LRMDA: variants seen among roughly 807,000 people sequenced by gnomAD.
The protein encoded by LRMDA is leucine-rich melanocyte differentiation-associated protein.
Under a neutral mutation model 29.8 loss-of-function variants are expected in LRMDA, and 18 were observed. The ratio of observed to expected loss-of-function variants is 0.60; its 90% CI spans 0.42 to 0.90. The LOEUF (loss-of-function observed/expected upper bound fraction) is 0.90. LRMDA is among the 40% of genes least tolerant of loss of function. The probability of loss-of-function intolerance (pLI) is 0.00; values close to 1 mark genes in which losing one functional copy is unlikely to be tolerated. For missense variants in LRMDA, 273 were observed against 273.9 expected, an observed-to-expected ratio of 1.00 and a Z score of 0.02; for synonymous variants, 125 against 109.4, an observed-to-expected ratio of 1.14 and a Z score of -0.89.
chr10:76,469,864 A>C (rs1224348133), intron 6 of LRMDA, among the ~76,000 whole-genome samples: 2 of 152,114 alleles, frequency 1.3e-5, no homozygotes, highest in African/African-American at 4.8e-5. Context: ...TAACATTCAC[A>C]GTATTGTGCA....
At chr10:76,100,408 CG>C (rs1405328234) in intron 5 of LRMDA, among the ~76,000 whole-genome samples, 1 of 152,218 alleles carries the variant, frequency 6.6e-6, no homozygotes, top group African/African-American at 2.4e-5. Flanking sequence ...TACACAGGAA[CG>C]GAAGAGGCCA....
intron 2 of LRMDA, among the ~76,000 whole-genome samples, chr10:75,529,198 A>T (rs996287523): frequency 1.3e-5 from 2 of 152,238 alleles, no homozygotes; most frequent in African/African-American, 4.8e-5. Context: ...CATGGCTGTG[A>T]AATTTAAGAA....
intron 2 of LRMDA, among the ~76,000 whole-genome samples, chr10:75,798,861 G>A (rs1414400186): frequency 6.6e-6 from 1 of 151,772 alleles, no homozygotes; most frequent in African/African-American, 2.4e-5. Context: ...ATCACTATGT[G>A]CTCCATGAAT....
chr10:76,176,942 A>C (rs1031061488), intron 5 of LRMDA, among the ~76,000 whole-genome samples: 1 of 152,216 alleles, frequency 6.6e-6, no homozygotes, highest in Non-Finnish European at 1.5e-5. Context: ...AATTAGTGGC[A>C]CCATTTCAGA....
chr10:76,199,529 A>T (rs919859207), intron 5 of LRMDA, among the ~76,000 whole-genome samples: 1 of 152,190 alleles, frequency 6.6e-6, no homozygotes, highest in East Asian at 1.9e-4. Flanking sequence ...CTTGACACCC[A>T]TGCAGCAAGT....
chr10:76,403,909 A>G (rs530000228), intron 6 of LRMDA, among the ~76,000 whole-genome samples: 14 of 152,030 alleles, frequency 9.2e-5, no homozygotes, highest in African/African-American at 3.4e-4. Flanking sequence ...AGATCTTCCC[A>G]TTGTCTTAGC....
At chr10:76,171,451 A>C (rs1160630699) in intron 5 of LRMDA, among the ~76,000 whole-genome samples, 7 of 152,160 alleles carry the variant, frequency 4.6e-5, no homozygotes, top group African/African-American at 1.7e-4. Flanking sequence ...TCTTTGATAC[A>C]TTCAGAAAGG....
intron 2 of LRMDA, among the ~76,000 whole-genome samples, chr10:75,825,852 G>A (rs1169373618): frequency 6.6e-6 from 1 of 152,138 alleles, no homozygotes; most frequent in East Asian, 1.9e-4. Flanking sequence ...TCTTGAAGGC[G>A]GAGGTTACCC....
At chr10:75,800,459 A>G (rs540604926) in intron 2 of LRMDA, among the ~76,000 whole-genome samples, 2 of 151,500 alleles carry the variant, frequency 1.3e-5, no homozygotes, top group African/African-American at 2.4e-5. Flanking sequence ...TTCTTTTGAA[A>G]TGGAGTCTTG....
At chr10:75,816,022 A>G (rs1844052663) in intron 2 of LRMDA, among the ~76,000 whole-genome samples, 1 of 152,172 alleles carries the variant, frequency 6.6e-6, no homozygotes, top group Admixed American at 6.5e-5. Context: ...GTGAATGAGA[A>G]AGTCAAGATC....
intron 2 of LRMDA, among the ~76,000 whole-genome samples, chr10:75,789,462 G>A (rs1406689605): frequency 6.6e-6 from 1 of 152,210 alleles, no homozygotes; most frequent in Non-Finnish European, 1.5e-5. Context: ...AGCAATGGAT[G>A]TTTAATGTTC....
chr10:75,438,225 G>A (rs1327385353), intron 1 of LRMDA, among the ~76,000 whole-genome samples, 169 bp from the exon 2 acceptor site: 1 of 152,158 alleles, frequency 6.6e-6, no homozygotes, highest in South Asian at 2.1e-4. Context: ...AGTCCTTGGA[G>A]CCCCCAAAGC....
At chr10:75,715,953 TAAC>T (rs1308576936) in intron 2 of LRMDA, among the ~76,000 whole-genome samples, 1 of 152,168 alleles carries the variant, frequency 6.6e-6, no homozygotes, top group Non-Finnish European at 1.5e-5. Flanking sequence ...TCAGTATTGT[TAAC>T]AACATCAGTA....
intron 6 of LRMDA, among the ~76,000 whole-genome samples, chr10:76,462,142 A>G (rs1842519878): frequency 2.6e-5 from 4 of 152,020 alleles, no homozygotes. Flanking sequence ...AACCACCAAA[A>G]AAACCAGAAT....
At chr10:75,436,047 C>T (rs1406796263) in intron 1 of LRMDA, among the ~76,000 whole-genome samples, 4 of 146,466 alleles carry the variant, frequency 2.7e-5, no homozygotes, top group Admixed American at 1.4e-4. Context: ...CAGTGAAACC[C>T]CATCTCTTTA....
At chr10:76,533,372 G>A (rs1227690029) in intron 6 of LRMDA, among the ~76,000 whole-genome samples, 1 of 152,122 alleles carries the variant, frequency 6.6e-6, no homozygotes, top group Non-Finnish European at 1.5e-5. Flanking sequence ...ATGCCTTTGT[G>A]TAAAGTCATG....
intron 2 of LRMDA, among the ~76,000 whole-genome samples, chr10:75,645,263 G>A (rs1052689597): frequency 6.6e-6 from 1 of 152,200 alleles, no homozygotes; most frequent in Non-Finnish European, 1.5e-5. Context: ...GATTACAGGC[G>A]TGAGCCACCG....
At chr10:76,121,214 A>G (rs1015955903) in intron 5 of LRMDA, among the ~76,000 whole-genome samples, 1 of 151,960 alleles carries the variant, frequency 6.6e-6, no homozygotes, top group Admixed American at 6.6e-5. Context: ...ATAGGGAGAG[A>G]ACAGGGGTGA....
At chr10:76,367,395 T>G (rs1310728972) in intron 6 of LRMDA, among the ~76,000 whole-genome samples, 5 of 149,874 alleles carry the variant, frequency 3.3e-5, no homozygotes, top group Non-Finnish European at 7.4e-5. Flanking sequence ...GACTTTTTGT[T>G]GTTGTTGTTG....
Sources: gnomAD v4.1 joint callset for allele counts (sites outside exome capture counted in the v4.1 genomes callset) on GRCh38, gnomAD v4.1.1 for gene constraint, MANE v1.5 for transcripts, NCBI Gene and HGNC (gene_info 2026-07-23, HGNC 2026-07-21) for gene names.